Variants in SASH3 observed in about 807,000 individuals in gnomAD.
The protein encoded by SASH3 is SAM and SH3 domain containing 3, also known as SAM and SH3 domain-containing protein 3.
Under a neutral mutation model 26.1 loss-of-function variants are expected in SASH3, and 7 were observed. The ratio of observed to expected loss-of-function variants is 0.27; its 90% CI spans 0.15 to 0.50. The LOEUF is 0.50. SASH3 is among the 20% of genes least tolerant of loss of function. SASH3 has a pLI of 0.98. For synonymous variants in SASH3, 138 were observed against 136.8 expected (o/e 1.01, Z -0.06); for missense variants, 231 against 318.3 (o/e 0.73, Z 2.09).
Position 129,794,944 on chromosome X carries a change from G to C in SASH3, c.*1112G>C, listed in dbSNP as rs1024786713. On this transcript the variant is annotated 3_prime_UTR_variant, in exon 8 of 8. Transcript: ENST00000356892. ...TACATTGAGCCCCAGAAGGAAAGGAGAGTATCTGTGAGTGGGGGCCTCCCT... is the reference window on the plus strand; with the variant it reads ...TACATTGAGCCCCAGAAGGAAAGGACAGTATCTGTGAGTGGGGGCCTCCCT... The C allele has an allele frequency of 4.5e-5, 5 of 111,626 alleles. No individual in the cohort carries two copies. Among genetic ancestry groups the C allele is most frequent in the Admixed American group, 3.8e-4 (4 of 10,496 alleles). The allele number at this position is 111,626 out of a possible 1,213,427, so 9.2% of individuals were successfully genotyped here.
At chrX:129,783,873 T>C (rs1030577892) in intron 1 of SASH3, among the ~76,000 whole-genome samples, 1 of 111,658 alleles carries the variant, frequency 9.0e-6, no homozygotes, top group South Asian at 3.7e-4. Flanking sequence ...TCTGAGAGAT[T>C]GATCAGGGCA....
intron 1 of SASH3, among the ~76,000 whole-genome samples, chrX:129,786,790 T>C (rs1186246354): frequency 9.4e-6 from 1 of 106,042 alleles, no homozygotes; most frequent in African/African-American, 3.5e-5. Flanking sequence ...GGTCAGGAGA[T>C]CAAGGCCATC....
rs7066862 is a variant in SASH3, at chrX:129,793,882, G to C, written c.*50G>C. ...CTGGGACCCAGCTGCAAAGGCTGTA[G>C]GAGTGGGCCCAGCCTCCCGTGGTGG... On this transcript the variant is annotated 3_prime_UTR_variant, in exon 8 of 8. Transcript: ENST00000356892. 7,857 of 1,089,473 alleles carry C rather than the reference G, an allele frequency of 7.2e-3. 301 individuals are homozygous for C. The African/African-American group carries it at 0.12, about 17-fold the overall frequency. The allele number at this position is 1,089,473 out of a possible 1,213,427, so 89.8% of individuals were successfully genotyped here. A position where few individuals can be genotyped will look rare whatever the true frequency, so the allele number is the denominator to read the frequency against.
At chrX:129,784,962 A>G (rs1927081575) in intron 1 of SASH3, among the ~76,000 whole-genome samples, 1 of 107,809 alleles carries the variant, frequency 9.3e-6, no homozygotes, top group Non-Finnish European at 1.9e-5. Flanking sequence ...ATTGTTGAGT[A>G]TACTCAATGT....
intron 7 of SASH3, 32 bp from the exon 8 acceptor site, chrX:129,793,610 C>T: frequency 2.5e-6 from 3 of 1,200,091 alleles, no homozygotes; most frequent in South Asian, 1.8e-5. Flanking sequence ...CCTCCACCCC[C>T]ATATTCTGTC....
intron 1 of SASH3, among the ~76,000 whole-genome samples, chrX:129,783,252 T>A (rs1227861783): frequency 9.0e-6 from 1 of 111,227 alleles, no homozygotes; most frequent in Non-Finnish European, 1.9e-5. Flanking sequence ...TTCAAACCCT[T>A]CCGAGCTCCA....
At position 129,793,857 on chromosome X, in the gene SASH3, C is replaced by G; in HGVS notation, c.*25C>G. 1.7e-6 allele frequency: 2 copies of G among 1,150,902 alleles called. No individual in the cohort carries two copies. The highest frequency in any genetic ancestry group is 2.3e-6 in the Non-Finnish European group (2 of 859,360). The allele number at this position is 1,150,902 out of a possible 1,213,427, so 94.8% of individuals were successfully genotyped here. On this transcript the variant is annotated 3_prime_UTR_variant, in exon 8 of 8. Transcript: ENST00000356892. ...AGGTGGCGGTGGCAATAGGCCAAGG[C>G]TGGGACCCAGCTGCAAAGGCTGTAG...
Position 129,794,054 on chromosome X carries a change from C to T in SASH3, c.*222C>T, listed in dbSNP as rs1382789071. ...AAGGGCACATCCCACCTGCCTGAGC[C>T]CCGCCCTCCACCAGCGACTGACAGC... On this transcript the variant is annotated 3_prime_UTR_variant, in exon 8 of 8. Transcript: ENST00000356892. 2 of 390,923 alleles carry T rather than the reference C, an allele frequency of 5.1e-6. No individual in the cohort carries two copies. The highest frequency in any genetic ancestry group is 8.9e-6 in the Non-Finnish European group (2 of 225,408). The allele number at this position is 390,923 out of a possible 1,213,427, so 32.2% of individuals were successfully genotyped here.
At chrX:129,789,165 G>A (rs1737126) in intron 3 of SASH3, among the ~76,000 whole-genome samples, 3 of 62,479 alleles carry the variant, frequency 4.8e-5, no homozygotes, top group African/African-American at 1.5e-4. Flanking sequence ...AAGAAAGAAA[G>A]AGAAAAAAAA....
At chrX:129,789,168 A>AAAG (rs1556001597) in intron 3 of SASH3, among the ~76,000 whole-genome samples, 1 of 52,318 alleles carries the variant, frequency 1.9e-5, no homozygotes, top group African/African-American at 1.1e-4. Context: ...AAAGAAAGAG[A>AAAG]AAAAAAAAAA....
chrX:129,791,189 A>C, intron 4 of SASH3, 108 bp downstream of exon 4: 1 of 795,941 alleles, frequency 1.3e-6, no homozygotes, highest in South Asian at 2.6e-5. Flanking sequence ...ATGAATGCTT[A>C]CTCTTTGCCT....
In SASH3 at chrX:129,791,901, G is replaced by A. The variant is rs752128210; in HGVS notation, c.443-427G>A. Among the ~76,000 whole-genome samples the A allele has an allele frequency of 2.7e-5, 3 of 112,191 alleles. No individual in the cohort carries two copies. In the South Asian group the frequency reaches 1.1e-3, roughly 41 times the overall value. ...AGCTTCCTGGGTGGAGGGAGCGTTGGAGTGGGTATCAGGGAACATGGAGTC... is the reference window on the plus strand; with the variant it reads ...AGCTTCCTGGGTGGAGGGAGCGTTGAAGTGGGTATCAGGGAACATGGAGTC... On this transcript the variant is annotated intron_variant, in intron 4 of 7. Transcript: ENST00000356892.
intron 1 of SASH3, among the ~76,000 whole-genome samples, chrX:129,781,818 G>A (rs1394430662): frequency 1.8e-5 from 2 of 112,315 alleles, no homozygotes; most frequent in Non-Finnish European, 3.8e-5. Context: ...CCCAACCCCT[G>A]CCAGAGCCGG....
chrX:129,788,328 AC>A lies in SASH3; in HGVS notation c.154-98del, dbSNP rs1448296177. 3.4e-6 allele frequency: 3 copies of A among 893,976 alleles called. No individual in the cohort carries two copies. The African/African-American group carries it at 6.0e-5, about 18-fold the overall frequency. 73.7% of individuals were successfully genotyped at this position (893,976 alleles called of 1,213,427 possible). A position where few individuals can be genotyped will look rare whatever the true frequency, so the allele number is the denominator to read the frequency against. On this transcript the variant is annotated intron_variant, in intron 2 of 7. Coordinates refer to ENST00000356892, the MANE Select transcript of SASH3 (RefSeq NM_018990.4). ...GAGGGGATGGGGGCCTCTCAGTTCC[AC>A]CCCCTCCAGCTTCTGCTGTGACCCC...
At chrX:129,783,583 T>C (rs1233540079) in intron 1 of SASH3, among the ~76,000 whole-genome samples, 3 of 112,095 alleles carry the variant, frequency 2.7e-5, no homozygotes, top group Non-Finnish European at 5.6e-5. Context: ...CGCATCTTGG[T>C]CTCCTCTGCT....
intron 4 of SASH3, 39 bp from the exon 5 acceptor site, chrX:129,792,289 G>A (rs1180865323): frequency 8.5e-7 from 1 of 1,177,280 alleles, no homozygotes; most frequent in Admixed American, 2.4e-5. Context: ...AGCTGTTCTA[G>A]GACAAAGGTG....
rs747636114 is a variant in SASH3 at position 129,793,900 on chromosome X, C to A, written c.*68C>A. On this transcript the variant is annotated 3_prime_UTR_variant, in exon 8 of 8. Coordinates refer to ENST00000356892, the MANE Select transcript of SASH3 (RefSeq NM_018990.4). ...GGCTGTAGGAGTGGGCCCAGCCTCC[C>A]GTGGTGGCCCAGGTCCTGAGGACTG... 13 of 1,017,850 alleles carry A rather than the reference C, an allele frequency of 1.3e-5. No individual in the cohort carries two copies. The Admixed American group carries it at 3.6e-4, about 28-fold the overall frequency. 83.9% of individuals were successfully genotyped at this position (1,017,850 alleles called of 1,213,427 possible). A position where few individuals can be genotyped will look rare whatever the true frequency, so the allele number is the denominator to read the frequency against.
chrX:129,792,194 T>C lies in SASH3; in HGVS notation c.443-134T>C, dbSNP rs1249368071. 4 of 718,516 alleles carry C rather than the reference T, an allele frequency of 5.6e-6. No individual in the cohort carries two copies. In the Admixed American group the frequency reaches 1.4e-4, roughly 25 times the overall value. 59.2% of individuals were successfully genotyped at this position (718,516 alleles called of 1,213,427 possible). On this transcript the variant is annotated intron_variant, in intron 4 of 7. Transcript: ENST00000356892. The stretch of plus-strand genomic sequence containing the variant: ...CAGAATCCCTTCTGCAGTGTAAAGC[T>C]TGCCAGAGCCCAGCTGCCTTCCCGG...
chrX:129,788,823 A>C (rs1927158206), intron 3 of SASH3, among the ~76,000 whole-genome samples: 1 of 110,956 alleles, frequency 9.0e-6, no homozygotes, highest in South Asian at 3.8e-4. Flanking sequence ...TCTGGGCAAC[A>C]GGGCTGGACA....
Sources: gnomAD v4.1 joint callset for allele counts (sites outside exome capture counted in the v4.1 genomes callset) on GRCh38, gnomAD v4.1.1 for gene constraint, MANE v1.5 for transcripts, NCBI Gene and HGNC (gene_info 2026-07-23, HGNC 2026-07-21) for gene names.